The following NALF1 variants were observed in gnomAD, a reference collection of about 807,000 sequenced individuals.
NALF1 encodes NALCN channel auxiliary factor 1.
In NALF1, 3 loss-of-function variants were observed where a neutral mutation model predicts 48.4. The ratio of observed to expected loss-of-function variants is 0.06; its 90% CI spans 0.03 to 0.16. The LOEUF (loss-of-function observed/expected upper bound fraction) is 0.16, where lower values mean the gene tolerates loss of function less well. NALF1 is among the 10% of genes least tolerant of loss of function. The pLI is 1.00. For synonymous variants in NALF1, 262 were observed against 245.7 expected (o/e 1.07, Z -0.62); for missense variants, 526 against 571.5 (o/e 0.92, Z 0.81).
chr13:107,493,864 T>C lies in NALF1; in HGVS notation c.916-283109A>G, dbSNP rs7998460. Among the ~76,000 whole-genome samples the C allele has an allele frequency of 8.2e-3, 1,243 of 152,252 alleles. 23 individuals are homozygous for C. Among genetic ancestry groups the C allele is most frequent in the African/African-American group, 0.029 (1,187 of 41,554 alleles). On this transcript the variant is annotated intron_variant, in intron 1 of 2. Coordinates refer to ENST00000375915, the MANE Select transcript of NALF1 (RefSeq NM_001080396.3). The stretch of plus-strand genomic sequence containing the variant: ...ATAATTGCACCATTGGACTCCAGGC[T>C]GGGAGAAAGAGTGGGACTCCATCTC...
Position 107,165,031 on chromosome 13 carries a change from C to T in NALF1, c.*5466G>A, listed in dbSNP as rs1878630642. On this transcript the variant is annotated 3_prime_UTR_variant, in exon 3 of 3. Coordinates refer to ENST00000375915, the MANE Select transcript of NALF1 (RefSeq NM_001080396.3). ...CATGAGGTGTCACGTACAAATACAT[C>T]ATTGACCTCCCTGTGTCACCTGGAG... The T allele has an allele frequency of 6.6e-6, 1 of 152,204 alleles. No homozygotes were observed. Among genetic ancestry groups the T allele is most frequent in the African/African-American group, 2.4e-5 (1 of 41,452 alleles). The allele number at this position is 152,204 out of a possible 1,614,324, so 9.4% of individuals were successfully genotyped here.
At chr13:107,692,436 C>T (rs1881588646) in intron 1 of NALF1, among the ~76,000 whole-genome samples, 1 of 151,476 alleles carries the variant, frequency 6.6e-6, no homozygotes, top group African/African-American at 2.4e-5. Flanking sequence ...CAAACACAAA[C>T]TTTTTTTTTC....
At chr13:107,224,550 T>C (rs1462042983) in intron 1 of NALF1, among the ~76,000 whole-genome samples, 5 of 151,822 alleles carry the variant, frequency 3.3e-5, no homozygotes, top group South Asian at 2.1e-4. Context: ...AAAAAGCTAA[T>C]AAATTTTATG....
intron 1 of NALF1, among the ~76,000 whole-genome samples, chr13:107,569,656 T>C (rs1877927883): frequency 6.6e-6 from 1 of 152,228 alleles, no homozygotes; most frequent in Admixed American, 6.5e-5. Context: ...GAGTAAGATC[T>C]AACATCAGGA....
intron 1 of NALF1, among the ~76,000 whole-genome samples, chr13:107,660,880 G>A (rs1438269623): frequency 6.6e-6 from 1 of 151,956 alleles, no homozygotes; most frequent in Non-Finnish European, 1.5e-5. Flanking sequence ...TGAGAGATGT[G>A]GTGTGTAGGA....
At chr13:107,381,737 C>A (rs1439363965) in intron 1 of NALF1, among the ~76,000 whole-genome samples, 1 of 152,136 alleles carries the variant, frequency 6.6e-6, no homozygotes, top group Non-Finnish European at 1.5e-5. Flanking sequence ...AAAGGTGACT[C>A]GACTCTTGCT....
intron 1 of NALF1, among the ~76,000 whole-genome samples, chr13:107,680,099 C>G (rs1324402364): frequency 1.3e-5 from 2 of 151,980 alleles, no homozygotes; most frequent in East Asian, 3.9e-4. Context: ...GCCCATGTGC[C>G]CAGGTGCCCA....
At chr13:107,322,997 T>G (rs1005073861) in intron 1 of NALF1, among the ~76,000 whole-genome samples, 1 of 152,166 alleles carries the variant, frequency 6.6e-6, no homozygotes, top group African/African-American at 2.4e-5. Flanking sequence ...CACCACAGAC[T>G]TCACTTTCTC....
chr13:107,662,947 A>G (rs1397447115), intron 1 of NALF1, among the ~76,000 whole-genome samples: 1 of 152,146 alleles, frequency 6.6e-6, no homozygotes, highest in African/African-American at 2.4e-5. Context: ...TTAATTTAGA[A>G]TTTTAACTTG....
At chr13:107,376,232 A>T (rs1883336101) in intron 1 of NALF1, among the ~76,000 whole-genome samples, 1 of 152,168 alleles carries the variant, frequency 6.6e-6, no homozygotes, top group Non-Finnish European at 1.5e-5. Flanking sequence ...GCAGTCCAAC[A>T]TCTTGCCCTA....
rs937561162 is a variant in NALF1 at position 107,668,726 on chromosome 13, G to T, written c.915+196956C>A. On this transcript the variant is annotated intron_variant, in intron 1 of 2. Transcript: ENST00000375915. ...TGAGATGTGCTCATGTAGAGTCCAG[G>T]CCTCTCTGCCCTATGAGACTCCATC... 7.2e-5 allele frequency among the ~76,000 whole-genome samples: 11 copies of T among 151,940 alleles called. 1 individual carries two copies. The East Asian group carries it at 2.1e-3, about 29-fold the overall frequency.
chr13:107,808,214 G>C (rs1360514693), intron 1 of NALF1, among the ~76,000 whole-genome samples: 1 of 152,022 alleles, frequency 6.6e-6, no homozygotes, highest in Non-Finnish European at 1.5e-5. Context: ...TATAGGTTTT[G>C]CAGAGTCTTT....
At chr13:107,564,723 T>C (rs1224526740) in intron 1 of NALF1, among the ~76,000 whole-genome samples, 1 of 152,148 alleles carries the variant, frequency 6.6e-6, no homozygotes, top group Non-Finnish European at 1.5e-5. Flanking sequence ...CTAAATCAGC[T>C]GAAAGTTTAT....
chr13:107,438,827 C>CAA (rs61686895), intron 1 of NALF1, among the ~76,000 whole-genome samples: 984 of 17,908 alleles, frequency 0.055, 134 homozygotes, highest in Non-Finnish European at 0.072. Flanking sequence ...GACTCCATCT[C>CAA]AAAAAAAAAA....
At chr13:107,176,327 T>G (rs1240670111) in intron 2 of NALF1, among the ~76,000 whole-genome samples, 2 of 150,588 alleles carry the variant, frequency 1.3e-5, no homozygotes, top group Non-Finnish European at 3.0e-5. Context: ...TTTTTTTTTT[T>G]TTTTTTTTTT....
intron 1 of NALF1, among the ~76,000 whole-genome samples, chr13:107,752,390 ATT>A (rs1876964373): frequency 1.3e-5 from 2 of 152,272 alleles, no homozygotes; most frequent in South Asian, 4.1e-4. Flanking sequence ...ATACAAGAAA[ATT>A]TGTTATACAT....
chr13:107,782,182 T>A (rs554543596), intron 1 of NALF1, among the ~76,000 whole-genome samples: 1 of 152,332 alleles, frequency 6.6e-6, no homozygotes, highest in African/African-American at 2.4e-5. Context: ...GCCTGCCGAG[T>A]GCCTGCGATT....
intron 1 of NALF1, among the ~76,000 whole-genome samples, chr13:107,543,920 T>A (rs1877065683): frequency 6.6e-6 from 1 of 152,070 alleles, no homozygotes; most frequent in Non-Finnish European, 1.5e-5. Context: ...ATAGTGGCAA[T>A]TTAGTGTTAA....
chr13:107,809,069 G>A (rs1440470896), intron 1 of NALF1, among the ~76,000 whole-genome samples: 4 of 151,912 alleles, frequency 2.6e-5, no homozygotes, highest in African/African-American at 7.3e-5. Flanking sequence ...CCGAGCCACC[G>A]GAGTCACTTT....
Sources: gnomAD v4.1 joint callset for allele counts (sites outside exome capture counted in the v4.1 genomes callset) on GRCh38, gnomAD v4.1.1 for gene constraint, MANE v1.5 for transcripts, NCBI Gene and HGNC (gene_info 2026-07-23, HGNC 2026-07-21) for gene names.